The following ARHGEF3 variants were observed in gnomAD, a reference collection of about 807,000 sequenced individuals.
ARHGEF3 encodes the protein 59.8 kDA protein.
In ARHGEF3, 28 loss-of-function variants were observed where a neutral mutation model predicts 63.2. That is an observed-to-expected ratio of 0.44 (90% CI 0.33 to 0.61). ARHGEF3 has a LOEUF of 0.61. Ranked by LOEUF, ARHGEF3 falls within the 20% of genes least tolerant of loss-of-function variation. The pLI, the probability that ARHGEF3 is intolerant of heterozygous loss-of-function variation, is 0.03. For missense variants in ARHGEF3, 533 were observed against 659.3 expected (o/e 0.81, Z 2.10); for synonymous variants, 266 against 254.2 (o/e 1.05, Z -0.44).
intron 8 of ARHGEF3, among the ~76,000 whole-genome samples, 156 bp from the exon 9 acceptor site, chr3:56,732,580 CA>C (rs977260882): frequency 6.6e-6 from 1 of 152,136 alleles, no homozygotes; most frequent in Non-Finnish European, 1.5e-5. Flanking sequence ...CAAAGTTGGG[CA>C]TGTTGGAGGC....
chr3:56,889,001 G>A (rs957516978), intron 3 of ARHGEF3, among the ~76,000 whole-genome samples: 1 of 152,118 alleles, frequency 6.6e-6, no homozygotes, highest in Non-Finnish European at 1.5e-5. Context: ...CCAATGGGAG[G>A]TCTCATGGAG....
At chr3:56,855,791 T>C (rs2039853563) in intron 4 of ARHGEF3, among the ~76,000 whole-genome samples, 1 of 152,026 alleles carries the variant, frequency 6.6e-6, no homozygotes, top group Non-Finnish European at 1.5e-5. Flanking sequence ...AAGGAAAAAC[T>C]GTCATGCTGA....
At chr3:57,074,180 T>G (rs772689667) in intron 1 of ARHGEF3, 1 of 1,613,990 alleles carries the variant, frequency 6.2e-7, no homozygotes, top group Non-Finnish European at 8.5e-7. Flanking sequence ...GGTGCAGCCG[T>G]TCAAACCAAC....
chr3:56,797,070 T>C (rs1172008907), intron 1 of ARHGEF3, among the ~76,000 whole-genome samples: 2 of 152,168 alleles, frequency 1.3e-5, no homozygotes, highest in African/African-American at 4.8e-5. Flanking sequence ...TGGTTAGCGC[T>C]GTATATGAAA....
At chr3:56,779,491 T>TA (rs1240447457) in intron 1 of ARHGEF3, among the ~76,000 whole-genome samples, 36 of 151,906 alleles carry the variant, frequency 2.4e-4, no homozygotes, top group African/African-American at 8.0e-4. Flanking sequence ...TTTTTATTTT[T>TA]TTTTTTTGTT....
intron 2 of ARHGEF3, among the ~76,000 whole-genome samples, chr3:56,990,698 G>A (rs1560112052): frequency 6.6e-6 from 1 of 152,206 alleles, no homozygotes; most frequent in Non-Finnish European, 1.5e-5. Context: ...TAAGTCTGGA[G>A]GATTGTGGAC....
In ARHGEF3 at chr3:56,830,147, C is replaced by T. The variant is rs114844427; in HGVS notation, c.192+52145G>A. 8.8e-3 allele frequency among the ~76,000 whole-genome samples: 1,336 copies of T among 152,164 alleles called. 20 individuals carry two copies. Among genetic ancestry groups the T allele is most frequent in the African/African-American group, 0.031 (1,266 of 41,480 alleles). On this transcript the variant is annotated intron_variant, in intron 4 of 12. Coordinates refer to the ARHGEF3 transcript ENST00000338458. ...TATAGCTTGAGTATATACTCTTATCCATAATGCTACACTGTCTCTCCCAAG... is the reference window on the plus strand; with the variant it reads ...TATAGCTTGAGTATATACTCTTATCTATAATGCTACACTGTCTCTCCCAAG...
chr3:56,793,145 A>G (rs920245658), intron 1 of ARHGEF3, among the ~76,000 whole-genome samples: 1 of 151,186 alleles, frequency 6.6e-6, no homozygotes, highest in Admixed American at 6.6e-5. Context: ...CTGGGATTAC[A>G]GGCTCCCGCC....
chr3:56,924,017 T>C (rs928509560), intron 3 of ARHGEF3, among the ~76,000 whole-genome samples: 4 of 152,214 alleles, frequency 2.6e-5, no homozygotes, highest in Non-Finnish European at 5.9e-5. Context: ...GATTTCCGCA[T>C]GCAGCTTCCT....
intron 2 of ARHGEF3, among the ~76,000 whole-genome samples, chr3:56,965,767 G>A (rs1252429437): frequency 6.7e-6 from 1 of 150,148 alleles, no homozygotes; most frequent in African/African-American, 2.5e-5. Context: ...TCTTGCCTCA[G>A]CCTCCTGAGT....
At chr3:56,775,028 G>A (rs200114604) in intron 1 of ARHGEF3, 1,309 of 1,549,698 alleles carry the variant, frequency 8.4e-4, no homozygotes, top group Non-Finnish European at 1.0e-3. Context: ...CATCTGACCT[G>A]TAGTAGATGC....
At position 56,814,846 on chromosome 3, in the gene ARHGEF3, G is replaced by A. The variant is rs557817121; in HGVS notation, c.193-41030C>T. ...TGAACTGACCTAAATTAGAAGACAT[G>A]GGCCAGGTGCAGTGGCTTACACCTA... On this transcript the variant is annotated intron_variant, in intron 4 of 12. Coordinates refer to the ARHGEF3 transcript ENST00000338458. 2.8e-4 allele frequency among the ~76,000 whole-genome samples: 43 copies of A among 152,210 alleles called. 1 individual carries two copies. The highest frequency in any genetic ancestry group is 2.7e-3 in the South Asian group (13 of 4,816).
At chr3:57,046,863 A>C (rs561074287) in intron 1 of ARHGEF3, among the ~76,000 whole-genome samples, 2 of 152,326 alleles carry the variant, frequency 1.3e-5, no homozygotes, top group Admixed American at 6.5e-5. Flanking sequence ...TGGAACAGTG[A>C]GATTAAACTG....
rs185087114 is a variant in ARHGEF3 at position 57,000,564 on chromosome 3, C to T, written c.62+34524G>A. Reference sequence around the variant, plus strand: ...TGTGCATGTGTGTGAGACGGAGTCTCACTCTGTCGCCCAGGCTGAAGTGCA... The same window carrying T: ...TGTGCATGTGTGTGAGACGGAGTCTTACTCTGTCGCCCAGGCTGAAGTGCA... On this transcript the variant is annotated intron_variant, in intron 2 of 12. Transcript: ENST00000338458. 2.8e-4 allele frequency among the ~76,000 whole-genome samples: 43 copies of T among 152,216 alleles called. 1 individual carries two copies. The highest frequency in any genetic ancestry group is 2.6e-3 in the Admixed American group (40 of 15,292).
At chr3:57,077,197 C>G (rs1400745860) in intron 1 of ARHGEF3, among the ~76,000 whole-genome samples, 1 of 152,206 alleles carries the variant, frequency 6.6e-6, no homozygotes, top group Non-Finnish European at 1.5e-5. Context: ...CCTAACCTCA[C>G]AGCCTGCCTC....
At chr3:57,022,596 T>C (rs889201972) in intron 2 of ARHGEF3, among the ~76,000 whole-genome samples, 2 of 152,208 alleles carry the variant, frequency 1.3e-5, no homozygotes, top group African/African-American at 4.8e-5. Context: ...GTTGGTGGCA[T>C]GCTTGAAACT....
chr3:56,747,767 T>C (rs2034478363), intron 6 of ARHGEF3, among the ~76,000 whole-genome samples: 2 of 152,096 alleles, frequency 1.3e-5, no homozygotes, highest in Non-Finnish European at 2.9e-5. Context: ...AAGGTTGCAA[T>C]GAACTGAGAT....
At chr3:56,785,501 C>T (rs567080282) in intron 1 of ARHGEF3, among the ~76,000 whole-genome samples, 1 of 152,302 alleles carries the variant, frequency 6.6e-6, no homozygotes, top group South Asian at 2.1e-4. Flanking sequence ...ATGAGAGGAA[C>T]TCTGGTCATT....
intron 3 of ARHGEF3, among the ~76,000 whole-genome samples, chr3:56,885,787 A>G (rs1304010813): frequency 6.6e-6 from 1 of 152,204 alleles, no homozygotes; most frequent in Non-Finnish European, 1.5e-5. Context: ...AGGAACCCAC[A>G]TGTTTTATAA....
Sources: gnomAD v4.1 joint callset for allele counts (sites outside exome capture counted in the v4.1 genomes callset) on GRCh38, gnomAD v4.1.1 for gene constraint, MANE v1.5 for transcripts, NCBI Gene and HGNC (gene_info 2026-07-23, HGNC 2026-07-21) for gene names.